TP73: variants seen among roughly 807,000 people sequenced by gnomAD.
TP73 encodes the protein p53-like transcription factor.
A neutral mutation model predicts 62.5 loss-of-function variants in TP73; 25 were observed. The observed-to-expected ratio is 0.40, with a 90% confidence interval of 0.29 to 0.56. The LOEUF (loss-of-function observed/expected upper bound fraction) is 0.56, where lower values mean the gene tolerates loss of function less well. TP73 is among the 20% of genes least tolerant of loss of function. TP73 has a pLI of 0.46. For missense variants in TP73, 754 were observed against 913.3 expected (o/e 0.83, Z 2.25); for synonymous variants, 423 against 377.5 (o/e 1.12, Z -1.40).
chr1:3,729,119 G>A (rs567979513), intron 9 of TP73, among the ~76,000 whole-genome samples: 1 of 152,344 alleles, frequency 6.6e-6, no homozygotes, highest in East Asian at 1.9e-4. Context: ...TTGGGGACAG[G>A]ATACCTGCCC....
intron 4 of TP73, among the ~76,000 whole-genome samples, chr1:3,714,532 G>C (rs1640432614): frequency 6.6e-6 from 1 of 152,252 alleles, no homozygotes; most frequent in African/African-American, 2.4e-5. Flanking sequence ...GAGCAGGCCT[G>C]TTGCCAGCCT....
chr1:3,674,411 G>A (rs1035866489), intron 1 of TP73, among the ~76,000 whole-genome samples: 5 of 152,242 alleles, frequency 3.3e-5, no homozygotes, highest in East Asian at 1.9e-4. Flanking sequence ...CCCATGCTGG[G>A]CTTCCCCAAA....
At chr1:3,721,846 G>A (rs999937782) in intron 4 of TP73, among the ~76,000 whole-genome samples, 175 bp from the exon 5 acceptor site, 5 of 152,172 alleles carry the variant, frequency 3.3e-5, no homozygotes, top group African/African-American at 9.7e-5. Context: ...CTGGATTCAC[G>A]CCTCAAAGGA....
Position 3,679,760 on chromosome 1 carries a change from G to A in TP73, c.-33-2573G>A, listed in dbSNP as rs182536857. Among the ~76,000 whole-genome samples, 74 of 143,860 alleles carry A rather than the reference G, an allele frequency of 5.1e-4. 1 individual carries two copies. The highest frequency in any genetic ancestry group is 8.3e-3 in the Middle Eastern group (2 of 242). 94.4% of individuals were successfully genotyped at this position (143,860 alleles called of 152,430 possible). On this transcript the variant is annotated intron_variant, in intron 1 of 13. Coordinates refer to ENST00000378295, the MANE Select transcript of TP73 (RefSeq NM_005427.4). The stretch of plus-strand genomic sequence containing the variant: ...TCTCTCTCTGCCTTTGTCTCTCTCC[G>A]TCTCTCTTTGTCCTTGTCTCTCTGT...
chr1:3,707,276 G>A (rs1044633145), intron 3 of TP73, among the ~76,000 whole-genome samples: 7 of 152,192 alleles, frequency 4.6e-5, no homozygotes, highest in African/African-American at 1.7e-4. Context: ...TCCCCTCCAG[G>A]TGTGCAGAGA....
intron 1 of TP73, among the ~76,000 whole-genome samples, chr1:3,655,916 GCCTGTAATC>G (rs1644855131): frequency 1.3e-5 from 2 of 152,206 alleles, no homozygotes; most frequent in African/African-American, 4.8e-5. Context: ...AGTGGCTCAC[GCCTGTAATC>G]CCAGCATTTT....
At position 3,666,905 on chromosome 1, in the gene TP73, C is replaced by T. The variant is rs774130903; in HGVS notation, c.-34+14264C>T. ...AAAAGTGGCTCCCCAAAGGTCTTCACGTCCCAATCCCCAGAACCCGTGTCT... is the reference window on the plus strand; with the variant it reads ...AAAAGTGGCTCCCCAAAGGTCTTCATGTCCCAATCCCCAGAACCCGTGTCT... On this transcript the variant is annotated intron_variant, in intron 1 of 13. Transcript: ENST00000378295. The surrounding 1 kb of genome is among the most constrained non-coding windows in gnomAD (Gnocchi z 6.4). Among the ~76,000 whole-genome samples, 11 of 152,160 alleles carry T rather than the reference C, an allele frequency of 7.2e-5. No individual in the cohort carries two copies. Among genetic ancestry groups the T allele is most frequent in the Non-Finnish European group, 1.2e-4 (8 of 68,022 alleles).
intron 3 of TP73, chr1:3,691,076 G>A: frequency 7.4e-7 from 1 of 1,355,942 alleles, no homozygotes; most frequent in Non-Finnish European, 1.0e-6. Flanking sequence ...GGGGTGAGCA[G>A]AGGTAGGAAG....
intron 4 of TP73, among the ~76,000 whole-genome samples, chr1:3,709,030 C>CG (rs975097283): frequency 6.6e-6 from 1 of 152,210 alleles, no homozygotes; most frequent in African/African-American, 2.4e-5. Context: ...GCCATAGCTG[C>CG]GGTTTTCCCA....
At chr1:3,719,909 T>TGTGTGTGTGTGTGTGTGTGTTC (rs1640930092) in intron 4 of TP73, among the ~76,000 whole-genome samples, 9 of 150,822 alleles carry the variant, frequency 6.0e-5, no homozygotes, top group African/African-American at 2.0e-4. Context: ...TGTGTGTGTG[T>TGTGTGTGTGTGTGTGTGTGTTC]GTGTGTGTGT....
intron 4 of TP73, chr1:3,708,509 TCC>T (rs1639863182): frequency 6.6e-6 from 1 of 152,340 alleles, no homozygotes; most frequent in South Asian, 2.1e-4. Context: ...CCATCACTGC[TCC>T]CCTTTTACAG....
intron 6 of TP73, among the ~76,000 whole-genome samples, chr1:3,726,140 A>ATGGG (rs1257323829): frequency 2.1e-5 from 2 of 97,094 alleles, no homozygotes; most frequent in African/African-American, 8.1e-5. Flanking sequence ...TATTGAATGG[A>ATGGG]TGGGTGGGTG....
intron 1 of TP73, among the ~76,000 whole-genome samples, chr1:3,653,769 T>C (rs1570327011): frequency 6.6e-6 from 1 of 152,222 alleles, no homozygotes; most frequent in African/African-American, 2.4e-5. Context: ...CACCCCTCTT[T>C]GGATTTATTC....
intron 3 of TP73, among the ~76,000 whole-genome samples, chr1:3,697,155 A>T (rs996498873): frequency 9.3e-6 from 1 of 107,550 alleles, no homozygotes; most frequent in Non-Finnish European, 2.1e-5. Context: ...TGCGGGGCCC[A>T]CCTCGCACCC....
At chr1:3,679,777 T>C (rs1006328931) in intron 1 of TP73, among the ~76,000 whole-genome samples, 2 of 150,518 alleles carry the variant, frequency 1.3e-5, no homozygotes, top group African/African-American at 4.9e-5. Flanking sequence ...TTTGTCCTTG[T>C]CTCTCTGTTT....
intron 1 of TP73, 78 bp from the exon 2 acceptor site, chr1:3,682,255 C>A: frequency 2.6e-6 from 3 of 1,152,552 alleles, no homozygotes; most frequent in Non-Finnish European, 3.4e-6. Context: ...ACTTGCCTGC[C>A]GCCCCCACCG....
Position 3,696,082 on chromosome 1 carries a change from C to A in TP73, c.187-11467C>A, listed in dbSNP as rs547867832. On this transcript the variant is annotated intron_variant, in intron 3 of 13. Coordinates refer to ENST00000378295, the MANE Select transcript of TP73 (RefSeq NM_005427.4). The surrounding 1 kb of genome is among the most constrained non-coding windows in gnomAD (Gnocchi z 4.1). ...GAGCCGCATGCAGGGAGGAGGACGA[C>A]GAGCGAGCAGTTCCCAAAGCCCCAT... is the stretch of plus-strand genomic sequence containing the variant. Among the ~76,000 whole-genome samples the A allele has an allele frequency of 6.6e-6, 1 of 152,148 alleles. No individual in the cohort carries two copies. The highest frequency in any genetic ancestry group is 1.5e-5 in the Non-Finnish European group (1 of 68,004).
rs908204057 is a variant in TP73, at chr1:3,701,323, G to A, written c.187-6226G>A. On this transcript the variant is annotated intron_variant, in intron 3 of 13. Transcript: ENST00000378295. The surrounding 1 kb of genome is among the most constrained non-coding windows in gnomAD (Gnocchi z 4.7). ...GTTCCTCGGCGGAGCCTGCCCAGCC[G>A]TCGTTCCTCCTGGCTGGGTTTTTGT... 7.9e-5 allele frequency among the ~76,000 whole-genome samples: 12 copies of A among 152,104 alleles called. No homozygotes were observed. Among genetic ancestry groups the A allele is most frequent in the Non-Finnish European group, 1.6e-4 (11 of 68,004 alleles).
intron 3 of TP73, among the ~76,000 whole-genome samples, chr1:3,688,487 C>G (rs531111671): frequency 6.6e-5 from 10 of 152,214 alleles, no homozygotes; most frequent in Admixed American, 3.3e-4. Flanking sequence ...GTCGTTCCCC[C>G]CTGTCCTGCG....
Sources: gnomAD v4.1 joint callset for allele counts (sites outside exome capture counted in the v4.1 genomes callset) on GRCh38, gnomAD v4.1.1 for gene constraint, Gnocchi (gnomAD v3.1) non-coding constraint, MANE v1.5 for transcripts, NCBI Gene and HGNC (gene_info 2026-07-23, HGNC 2026-07-21) for gene names.